WSCD2: variants seen among roughly 807,000 people sequenced by gnomAD.
WSCD2 encodes sialate:O-sulfotransferase 2.
Under a neutral mutation model 55.7 loss-of-function variants are expected in WSCD2, and 28 were observed. That is an observed-to-expected ratio of 0.50 (90% confidence interval 0.37 to 0.69). WSCD2 has a LOEUF of 0.69. WSCD2 is among the 30% of genes least tolerant of loss of function. The pLI, the probability that WSCD2 is intolerant of heterozygous loss-of-function variation, is 0.00. For synonymous variants in WSCD2, 301 were observed against 301.9 expected, an observed-to-expected ratio of 1.00 and a Z score of 0.03; for missense variants, 616 against 762.1, an observed-to-expected ratio of 0.81 and a Z score of 2.26.
intron 3 of WSCD2, among the ~76,000 whole-genome samples, chr12:108,208,335 G>A (rs1885689528): frequency 6.6e-6 from 1 of 152,230 alleles, no homozygotes; most frequent in Non-Finnish European, 1.5e-5. Context: ...AGACCCCTAT[G>A]AGGCAGGAAT....
chr12:108,227,033 G>A lies in WSCD2; in HGVS notation c.848G>A (p.Gly283Glu). The change falls in exon 6 of 9, where the codon GGG (glycine) becomes GAG (glutamate). Residue 283 changes from glycine to glutamate, a missense_variant. By Grantham distance (98) the Gly-to-Glu change is moderately conservative (BLOSUM62 -2). Coordinates refer to ENST00000547525, the MANE Select transcript of WSCD2 (RefSeq NM_014653.4). ...AALAGTACHC[G>E]FPTTRFPLHD... ...CTTGCAGGCACCGCCTGCCACTGTG[G>A]GTTTCCCACCACCCGATTCCCGCTC... 6.2e-7 allele frequency: 1 copy of A among 1,614,204 alleles called. No individual in the cohort carries two copies. Among genetic ancestry groups the A allele is most frequent in the Non-Finnish European group, 8.5e-7 (1 of 1,180,032 alleles).
At chr12:108,234,086 A>T (rs1340973409) in intron 7 of WSCD2, among the ~76,000 whole-genome samples, 1 of 152,222 alleles carries the variant, frequency 6.6e-6, no homozygotes, top group East Asian at 1.9e-4. Flanking sequence ...AAGAAGAAAA[A>T]TTGTCTTGGA....
intron 1 of WSCD2, among the ~76,000 whole-genome samples, chr12:108,154,047 G>A (rs1042731966): frequency 2.6e-5 from 4 of 152,204 alleles, no homozygotes; most frequent in African/African-American, 9.6e-5. Context: ...AGGTATTTCT[G>A]TTGTTACTGA....
At position 108,154,290 on chromosome 12, in the gene WSCD2, G is replaced by T. The variant is rs930290337; in HGVS notation, c.-552+24364G>T. On this transcript the variant is annotated intron_variant, in intron 1 of 8. Transcript: ENST00000547525. ...TGGCATGACTGAGTTCCTTCTGGAG[G>T]CTCCAGAGGAAAATTGGCTCCTTGC... Among the ~76,000 whole-genome samples, 3 of 152,132 alleles carry T rather than the reference G, an allele frequency of 2.0e-5. No individual in the cohort carries two copies. The East Asian group carries it at 5.8e-4, about 29-fold the overall frequency.
chr12:108,168,178 G>T (rs978533879), intron 1 of WSCD2, among the ~76,000 whole-genome samples: 1 of 152,200 alleles, frequency 6.6e-6, no homozygotes, highest in African/African-American at 2.4e-5. Context: ...CCTGGAAGCC[G>T]TAGCTATTTT....
At chr12:108,133,658 C>T (rs2136853954) in intron 1 of WSCD2, among the ~76,000 whole-genome samples, 1 of 152,300 alleles carries the variant, frequency 6.6e-6, no homozygotes, top group Non-Finnish European at 1.5e-5. Flanking sequence ...GCAGTTGGTG[C>T]CAGCTCTGAG....
rs2137101240 is a variant in WSCD2, at chr12:108,210,142, G to A, written c.519G>A (p.Leu173=). 1 of 1,614,116 alleles carries A rather than the reference G, an allele frequency of 6.2e-7. No individual in the cohort carries two copies. The highest frequency in any genetic ancestry group is 8.5e-7 in the Non-Finnish European group (1 of 1,180,022). The change falls in exon 4 of 9, where the codon CTG becomes CTA. Residue 173 remains leucine, a synonymous_variant. Coordinates refer to ENST00000547525, the MANE Select transcript of WSCD2 (RefSeq NM_014653.4). This position sits in a 1 kb window ranked among gnomAD's most constrained non-coding sequence, Gnocchi z 4.3. ...CAERGYLYGG[L]EFGAECYCGH... ...CCAGGGGTTACCTGTATGGCGGGCT[G>A]GAGTTCGGCGCCGAGTGCTACTGCG...
In WSCD2 at chr12:108,210,072, C is replaced by T. The variant is rs779040532; in HGVS notation, c.498-49C>T. 14 of 1,612,042 alleles carry T rather than the reference C, an allele frequency of 8.7e-6. No homozygotes were observed. Among genetic ancestry groups the T allele is most frequent in the South Asian group, 2.2e-5 (2 of 90,828 alleles). On this transcript the variant is annotated intron_variant, in intron 3 of 8. Coordinates refer to ENST00000547525, the MANE Select transcript of WSCD2 (RefSeq NM_014653.4). The surrounding 1 kb of genome is among the most constrained non-coding windows in gnomAD (Gnocchi z 4.3). ...GTCTCCATGTTGTGTCTCCCTGCCT[C>T]GGGGTCTCCATGGTGGCAGCTACCC...
intron 2 of WSCD2, 60 bp from the exon 3 acceptor site, chr12:108,206,229 C>T: frequency 7.1e-7 from 1 of 1,407,330 alleles, no homozygotes; most frequent in South Asian, 1.2e-5. Context: ...GGTGAGGCTT[C>T]CTCCTGTAAC....
intron 6 of WSCD2, among the ~76,000 whole-genome samples, chr12:108,228,761 G>C (rs1476450626): frequency 6.6e-6 from 1 of 152,240 alleles, no homozygotes; most frequent in East Asian, 1.9e-4. Context: ...GTCCCTGTTT[G>C]ACTGATGGGG....
chr12:108,236,155 C>A (rs918769874), intron 7 of WSCD2, among the ~76,000 whole-genome samples: 3 of 152,158 alleles, frequency 2.0e-5, no homozygotes, highest in African/African-American at 7.2e-5. Flanking sequence ...TTATCTAAGT[C>A]TTTTAGAGTT....
chr12:108,179,533 T>C (rs1248573853), intron 1 of WSCD2, among the ~76,000 whole-genome samples: 1 of 152,236 alleles, frequency 6.6e-6, no homozygotes, highest in Non-Finnish European at 1.5e-5. Context: ...GCTTGCTGTG[T>C]GAGGCCTCCC....
chr12:108,148,147 G>GTGCTC (rs1455794057), intron 1 of WSCD2, among the ~76,000 whole-genome samples: 6 of 152,162 alleles, frequency 3.9e-5, no homozygotes, highest in Non-Finnish European at 7.4e-5. Context: ...GCGTGGGGCC[G>GTGCTC]ACCTGTGCAT....
At chr12:108,214,400 C>A (rs985770061) in intron 4 of WSCD2, among the ~76,000 whole-genome samples, 1 of 152,222 alleles carries the variant, frequency 6.6e-6, no homozygotes, top group Admixed American at 6.5e-5. Flanking sequence ...AGGCACCCTG[C>A]TATTCTGCCT....
intron 1 of WSCD2, among the ~76,000 whole-genome samples, chr12:108,163,124 G>A (rs992314651): frequency 6.6e-6 from 1 of 152,166 alleles, no homozygotes; most frequent in African/African-American, 2.4e-5. Flanking sequence ...GAATCCAGAT[G>A]GGTCTGATCT....
chr12:108,140,964 T>G (rs1421333125), intron 1 of WSCD2, among the ~76,000 whole-genome samples: 1 of 152,246 alleles, frequency 6.6e-6, no homozygotes, highest in Non-Finnish European at 1.5e-5. Flanking sequence ...CGTGAGCGGA[T>G]GAGTTCCCTA....
At chr12:108,232,981 T>C in intron 7 of WSCD2, 86 bp downstream of exon 7, 1 of 1,526,166 alleles carries the variant, frequency 6.6e-7, no homozygotes, top group Non-Finnish European at 8.9e-7. Context: ...TACTCCTCCT[T>C]GAGTATCTAC....
At chr12:108,240,973 G>T (rs970342658) in intron 8 of WSCD2, among the ~76,000 whole-genome samples, 27 of 152,194 alleles carry the variant, frequency 1.8e-4, no homozygotes, top group African/African-American at 6.3e-4. Context: ...TCATGGCACT[G>T]GAGATGCTCA....
intron 1 of WSCD2, among the ~76,000 whole-genome samples, chr12:108,180,050 C>CAAAAAAAAAAAAAAAAAAAAAA (rs59925486): frequency 2.6e-5 from 3 of 116,674 alleles, no homozygotes; most frequent in Non-Finnish European, 5.3e-5. Context: ...CTCAAAAAAA[C>CAAAAAAAAAAAAAAAAAAAAAA]AAAAAAAAAA....
Sources: allele counts gnomAD v4.1 joint callset (sites outside exome capture counted in the v4.1 genomes callset), GRCh38; gene constraint gnomAD v4.1.1; non-coding constraint Gnocchi (gnomAD v3.1); transcripts MANE v1.5; gene names NCBI Gene and HGNC (gene_info 2026-07-23, HGNC 2026-07-21).